MAP3K7CL: variants seen among roughly 807,000 people sequenced by gnomAD.
The protein encoded by MAP3K7CL is MAP3K7 C-terminal-like protein.
In MAP3K7CL, 16 loss-of-function variants were observed where a neutral mutation model predicts 18.6. The ratio of observed to expected loss-of-function variants is 0.86; its 90% CI spans 0.58 to 1.31. The LOEUF (loss-of-function observed/expected upper bound fraction) is 1.31, where lower values mean the gene tolerates loss of function less well. Among genes scored for constraint, MAP3K7CL ranks in the 50% most tolerant of loss-of-function variants. MAP3K7CL has a pLI of 0.00. For missense variants in MAP3K7CL, 163 were observed against 174.4 expected, an observed-to-expected ratio of 0.93 and a Z score of 0.37; for synonymous variants, 65 against 66.8, an observed-to-expected ratio of 0.97 and a Z score of 0.13.
rs562988715 is a variant in MAP3K7CL at position 29,156,062 on chromosome 21, A to C, written c.133-3879A>C. Among the ~76,000 whole-genome samples the C allele has an allele frequency of 9.8e-5, 15 of 152,286 alleles. No homozygotes were observed. The East Asian group carries it at 2.5e-3, about 25-fold the overall frequency. Reference sequence around the variant, plus strand: ...TTGGATTCCTTTTCTTTGGAGTGCAATATTTCATTCTTTAAGCAGGAAGGT... The same window carrying C: ...TTGGATTCCTTTTCTTTGGAGTGCACTATTTCATTCTTTAAGCAGGAAGGT... On this transcript the variant is annotated intron_variant, in intron 3 of 4. Transcript: ENST00000399928.
intron 4 of MAP3K7CL, among the ~76,000 whole-genome samples, chr21:29,098,492 GA>G (rs1008301525): frequency 6.6e-6 from 1 of 151,978 alleles, no homozygotes; most frequent in Non-Finnish European, 1.5e-5. Context: ...AATTTCTTGA[GA>G]AAAAAAGGAA....
chr21:29,138,155 A>C (rs560230383), intron 2 of MAP3K7CL, among the ~76,000 whole-genome samples: 1 of 152,322 alleles, frequency 6.6e-6, no homozygotes, highest in Non-Finnish European at 1.5e-5. Context: ...AAAGGAAACA[A>C]GGTTTTGGAG....
intron 2 of MAP3K7CL, among the ~76,000 whole-genome samples, chr21:29,136,490 T>C (rs2086888660): frequency 1.3e-5 from 2 of 152,112 alleles, no homozygotes; most frequent in African/African-American, 4.8e-5. Flanking sequence ...TCTTTGCTTG[T>C]GAATGTTGAC....
chr21:29,092,201 G>A (rs1011900013), intron 3 of MAP3K7CL: 6 of 485,334 alleles, frequency 1.2e-5, no homozygotes, highest in Non-Finnish European at 2.2e-5. Context: ...GAGGCAGAGC[G>A]AGGCTGAGTG....
intron 2 of MAP3K7CL, among the ~76,000 whole-genome samples, chr21:29,134,181 C>G (rs897813078): frequency 6.6e-6 from 1 of 152,094 alleles, no homozygotes; most frequent in African/African-American, 2.4e-5. Flanking sequence ...AGGACTCTCT[C>G]TCTCTCTCTT....
At chr21:29,101,007 C>A (rs951106118) in intron 4 of MAP3K7CL, among the ~76,000 whole-genome samples, 1 of 151,318 alleles carries the variant, frequency 6.6e-6, no homozygotes, top group Admixed American at 6.6e-5. Flanking sequence ...CCACTGCGCC[C>A]GGTCCCTCTT....
At chr21:29,155,362 A>C (rs995076054) in intron 3 of MAP3K7CL, among the ~76,000 whole-genome samples, 4 of 152,208 alleles carry the variant, frequency 2.6e-5, no homozygotes, top group African/African-American at 9.6e-5. Context: ...GGATAGGAAA[A>C]TTAAATTCTG....
intron 2 of MAP3K7CL, among the ~76,000 whole-genome samples, chr21:29,140,458 G>A (rs2409332): frequency 0.33 from 50,207 of 152,104 alleles, 8,396 homozygotes; most frequent in Non-Finnish European, 0.35. Context: ...TTTCACAAAA[G>A]TGGAAATAAA....
rs2086818525 is a variant in MAP3K7CL at position 29,133,432 on chromosome 21, A to G, written c.70+18A>G. The G allele has an allele frequency of 6.6e-7, 1 of 1,511,336 alleles. No individual in the cohort carries two copies. Among genetic ancestry groups the G allele is most frequent in the African/African-American group, 1.4e-5 (1 of 72,338 alleles). The allele number at this position is 1,511,336 out of a possible 1,614,324, so 93.6% of individuals were successfully genotyped here. A position where few individuals can be genotyped will look rare whatever the true frequency, so the allele number is the denominator to read the frequency against. On this transcript the variant is annotated intron_variant, in intron 2 of 4. Transcript: ENST00000399928. ...CGCCTCAGGTATACTCTGCTCTGGA[A>G]GAAGGATTGTTTCCTTCATACCCCA...
intron 4 of MAP3K7CL, among the ~76,000 whole-genome samples, chr21:29,110,299 G>A (rs1257580341): frequency 6.6e-6 from 1 of 152,070 alleles, no homozygotes; most frequent in African/African-American, 2.4e-5. Context: ...TAACTTTGAG[G>A]TACGTCTACT....
chr21:29,170,885 C>G (rs1021082172), intron 4 of MAP3K7CL, among the ~76,000 whole-genome samples: 2 of 151,434 alleles, frequency 1.3e-5, no homozygotes, highest in African/African-American at 4.9e-5. Context: ...GTGATCTGCC[C>G]GCCTCGGCCT....
chr21:29,108,408 G>T (rs2086361631), intron 4 of MAP3K7CL, among the ~76,000 whole-genome samples: 1 of 152,156 alleles, frequency 6.6e-6, no homozygotes, highest in Non-Finnish European at 1.5e-5. Context: ...ATAAATTCCT[G>T]TTGTTTAAGC....
intron 4 of MAP3K7CL, among the ~76,000 whole-genome samples, chr21:29,170,013 A>C (rs2087784818): frequency 6.6e-6 from 1 of 152,216 alleles, no homozygotes; most frequent in African/African-American, 2.4e-5. Flanking sequence ...ACACTGAAGG[A>C]AACGATACAA....
intron 4 of MAP3K7CL, among the ~76,000 whole-genome samples, chr21:29,165,840 G>C (rs1197365529): frequency 6.6e-6 from 1 of 152,216 alleles, no homozygotes; most frequent in Non-Finnish European, 1.5e-5. Context: ...GGGATTACAG[G>C]CATGAGCCAT....
intron 1 of MAP3K7CL, among the ~76,000 whole-genome samples, chr21:29,089,167 TCAA>T (rs2085976674): frequency 2.8e-5 from 1 of 35,468 alleles, no homozygotes; most frequent in Non-Finnish European, 4.1e-5. Flanking sequence ...AGACTCCGTC[TCAA>T]AAAAAAAAAA....
chr21:29,125,995 C>T (rs762437743), upstream of MAP3K7CL, among the ~76,000 whole-genome samples: 6 of 152,236 alleles, frequency 3.9e-5, no homozygotes, highest in South Asian at 1.0e-3. Context: ...AGGGTTAATA[C>T]ATAACTTTGG....
intron 3 of MAP3K7CL, among the ~76,000 whole-genome samples, chr21:29,157,902 T>C (rs530831726): frequency 1.3e-5 from 2 of 152,232 alleles, no homozygotes; most frequent in South Asian, 4.1e-4. Context: ...ACACGGCTGC[T>C]CTCTATGTTA....
At chr21:29,085,545 T>TAA (rs33938293), upstream of MAP3K7CL, among the ~76,000 whole-genome samples, 66 of 48,998 alleles carry the variant, frequency 1.3e-3, no homozygotes, top group African/African-American at 4.7e-3. Flanking sequence ...AGACTCTGTC[T>TAA]AAAAAAAAAA....
At chr21:29,138,176 T>C (rs2086925202) in intron 2 of MAP3K7CL, among the ~76,000 whole-genome samples, 1 of 152,196 alleles carries the variant, frequency 6.6e-6, no homozygotes, top group South Asian at 2.1e-4. Context: ...AACACAAATA[T>C]ATATATATTC....
Sources: allele counts gnomAD v4.1 joint callset (sites outside exome capture counted in the v4.1 genomes callset), GRCh38; gene constraint gnomAD v4.1.1; transcripts MANE v1.5; gene names NCBI Gene and HGNC (gene_info 2026-07-23, HGNC 2026-07-21).